USP42: variants seen among roughly 807,000 people sequenced by gnomAD.
USP42 encodes the protein ubiquitin carboxyl-terminal hydrolase 42.
Under a neutral mutation model 113.0 loss-of-function variants are expected in USP42, and 23 were observed. That is an observed-to-expected ratio of 0.20 (90% CI 0.15 to 0.29). The LOEUF (loss-of-function observed/expected upper bound fraction) is 0.29. USP42 is among the 10% of genes least tolerant of loss of function. The probability of loss-of-function intolerance (pLI) is 1.00; values close to 1 mark genes in which losing one functional copy is unlikely to be tolerated. For missense variants in USP42, 2,174 were observed against 1,779.8 expected (o/e 1.22, Z -3.99); for synonymous variants, 933 against 699.0 (o/e 1.33, Z -5.28).
In USP42 at chr7:6,159,427, C is replaced by T. The variant is rs1243120560; in HGVS notation, c.3944-23C>T. 2 of 1,613,970 alleles carry T rather than the reference C, an allele frequency of 1.2e-6. No homozygotes were observed. Among genetic ancestry groups the T allele is most frequent in the East Asian group, 2.2e-5 (1 of 44,884 alleles). On this transcript the variant is annotated intron_variant, in intron 16 of 17. Coordinates refer to ENST00000306177, the MANE Select transcript of USP42 (RefSeq NM_032172.3). This position sits in a 1 kb window ranked among gnomAD's most constrained non-coding sequence, Gnocchi z 4.1. ...GATTTTGCAACCATCATTAAAATCT[C>T]TTTCCTGACCTTTGCTTTCTAGGTG...
At chr7:6,091,680 T>TACACACACACACACAC in the USP42 span, among the ~76,000 whole-genome samples, 10,158 of 135,866 alleles carry the variant, frequency 0.075, 502 homozygotes, top group Non-Finnish European at 0.1. Context: ...TATGTTAGCA[T>TACACACACACACACAC]ACACACACAC....
intron 7 of USP42, 138 bp downstream of exon 7, chr7:6,141,122 A>C (rs1407697655): frequency 1.7e-5 from 8 of 464,734 alleles, no homozygotes; most frequent in Non-Finnish European, 2.7e-5. Context: ...ATTTGGAGGA[A>C]TTATTCAAGC....
At chr7:6,140,291 A>ACC in intron 6 of USP42, 96 bp downstream of exon 6, 1 of 1,133,372 alleles carries the variant, frequency 8.8e-7, no homozygotes, top group Non-Finnish European at 1.3e-6. Context: ...AAGGAAGGAA[A>ACC]AGTGCTTCTC....
At chr7:6,108,209 C>A (rs900043549) in intron 1 of USP42, among the ~76,000 whole-genome samples, 2 of 151,892 alleles carry the variant, frequency 1.3e-5, no homozygotes, top group African/African-American at 4.8e-5. Flanking sequence ...AACAAACAAA[C>A]AAAAAAATTA....
chr7:6,103,712 G>A (rs1235686585), upstream of USP42, among the ~76,000 whole-genome samples: 3 of 122,626 alleles, frequency 2.4e-5, no homozygotes, highest in Non-Finnish European at 3.1e-5. Context: ...ACCAGCCTGG[G>A]CAACATAGCG....
In USP42 at chr7:6,111,148, C is replaced by G. The variant is rs1418625425; in HGVS notation, c.15C>G (p.Asp5Glu). MTIV[D>E]KASESSDPSA... ...AGAGTTGAACAATGACCATAGTTGA[C>G]AAAGCTTCTGAATCTTCAGACCCAT... The change falls in exon 2 of 18, where the codon GAC (aspartate) becomes GAG (glutamate). Residue 5 changes from aspartate to glutamate, a missense_variant. By Grantham distance (45) the Asp-to-Glu change is conservative. Transcript: ENST00000306177. The G allele has an allele frequency of 1.9e-6, 3 of 1,612,222 alleles. No homozygotes were observed. The highest frequency in any genetic ancestry group is 2.5e-6 in the Non-Finnish European group (3 of 1,178,682).
chr7:6,150,241 A>G lies in USP42; in HGVS notation c.2045A>G (p.Gln682Arg), dbSNP rs369332625. The G allele has an allele frequency of 5.6e-6, 9 of 1,613,742 alleles. No homozygotes were observed. In the African/African-American group the frequency reaches 1.2e-4, roughly 22 times the overall value. The change falls in exon 13 of 18, where the codon CAA (glutamine) becomes CGA (arginine). Residue 682 changes from glutamine (Q) to arginine (R), a missense_variant. By Grantham distance (43) the Gln-to-Arg change is conservative (BLOSUM62 1). Coordinates refer to ENST00000306177, the MANE Select transcript of USP42 (RefSeq NM_032172.3). ...CTAGCGCCTGATGGTGCCAGCTGCC[A>G]AGGCCAGCCTGCCCTGCACTCAGAA... ...NGLAPDGASC[Q>R]GQPALHSENP...
chr7:6,159,513 G>A lies in USP42; in HGVS notation c.*36+20G>A. 6.2e-7 allele frequency: 1 copy of A among 1,610,522 alleles called. No individual in the cohort carries two copies. Among genetic ancestry groups the A allele is most frequent in the Non-Finnish European group, 8.5e-7 (1 of 1,176,956 alleles). The stretch of plus-strand genomic sequence containing the variant: ...GTTATGGTAAGCTGTTTTCCTGTCT[G>A]TTTCCTCATTGTTTGTGGTGGCGCT... On this transcript the variant is annotated intron_variant, in intron 17 of 17. Coordinates refer to ENST00000306177, the MANE Select transcript of USP42 (RefSeq NM_032172.3). This position sits in a 1 kb window ranked among gnomAD's most constrained non-coding sequence, Gnocchi z 4.1.
At chr7:6,117,646 T>C (rs550693175) in intron 3 of USP42, among the ~76,000 whole-genome samples, 1 of 152,338 alleles carries the variant, frequency 6.6e-6, no homozygotes, top group East Asian at 1.9e-4. Flanking sequence ...TTGCAGTGTT[T>C]TATAGTCCCA....
the USP42 span, chr7:6,081,702 T>A: frequency 6.6e-6 from 1 of 152,106 alleles, no homozygotes; most frequent in South Asian, 2.1e-4. Context: ...GGAGGTCGGG[T>A]GAGAGGGTGA....
chr7:6,083,988 G>A, the USP42 span, among the ~76,000 whole-genome samples: 13 of 150,300 alleles, frequency 8.6e-5, no homozygotes, highest in African/African-American at 3.0e-4. Flanking sequence ...TGTGTAGGTC[G>A]TCCGTGAGTT....
the USP42 span, chr7:6,081,660 T>C: frequency 6.6e-6 from 1 of 152,188 alleles, no homozygotes; most frequent in Non-Finnish European, 1.5e-5. Flanking sequence ...GCGCATGCTC[T>C]CTGGTGGGCT....
At chr7:6,089,038 T>C in the USP42 span, 1 of 150,242 alleles carries the variant, frequency 6.7e-6, no homozygotes, top group Non-Finnish European at 1.5e-5. Context: ...TATTTATTTA[T>C]TTATTTATTT....
intron 3 of USP42, among the ~76,000 whole-genome samples, chr7:6,131,001 C>T (rs1780820433): frequency 6.6e-6 from 1 of 152,100 alleles, no homozygotes; most frequent in South Asian, 2.1e-4. Context: ...AGTTGCCTGG[C>T]ACCTGGCCCT....
intron 3 of USP42, among the ~76,000 whole-genome samples, chr7:6,127,830 G>A (rs891183716): frequency 1.1e-4 from 17 of 152,176 alleles, no homozygotes; most frequent in African/African-American, 3.6e-4. Context: ...CACTAAACTT[G>A]TGTCTTAATT....
In USP42 at chr7:6,158,780, A is replaced by G. The variant is rs1466764644; in HGVS notation, c.3944-670A>G. 6.6e-6 allele frequency among the ~76,000 whole-genome samples: 1 copy of G among 152,182 alleles called. No individual in the cohort carries two copies. Among genetic ancestry groups the G allele is most frequent in the Non-Finnish European group, 1.5e-5 (1 of 68,034 alleles). ...TTGGTACCCGAGGATCCGAGGATGCAGTGGATGGGCTCATTCTGAGTGTGG... is the reference window on the plus strand; with the variant it reads ...TTGGTACCCGAGGATCCGAGGATGCGGTGGATGGGCTCATTCTGAGTGTGG... On this transcript the variant is annotated intron_variant, in intron 16 of 17. Coordinates refer to ENST00000306177, the MANE Select transcript of USP42 (RefSeq NM_032172.3). This position sits in a 1 kb window ranked among gnomAD's most constrained non-coding sequence, Gnocchi z 4.2.
chr7:6,115,185 C>G (rs1397931471), intron 2 of USP42, 138 bp from the exon 3 acceptor site: 4 of 789,554 alleles, frequency 5.1e-6, no homozygotes, highest in African/African-American at 3.5e-5. Context: ...TAAAATGTCC[C>G]TCTTCCCCCT....
At chr7:6,137,977 C>A (rs564565799) in intron 4 of USP42, among the ~76,000 whole-genome samples, 1 of 152,330 alleles carries the variant, frequency 6.6e-6, no homozygotes, top group African/African-American at 2.4e-5. Flanking sequence ...CCACGCCCGA[C>A]CACATATATT....
At chr7:6,152,036 A>C (rs545263948) in intron 14 of USP42, among the ~76,000 whole-genome samples, 2 of 152,360 alleles carry the variant, frequency 1.3e-5, no homozygotes, top group South Asian at 4.1e-4. Context: ...ACAATTTAAA[A>C]AAAAAATCAT....
Sources: gnomAD v4.1 joint callset for allele counts (sites outside exome capture counted in the v4.1 genomes callset) on GRCh38, gnomAD v4.1.1 for gene constraint, Gnocchi (gnomAD v3.1) non-coding constraint, MANE v1.5 for transcripts, NCBI Gene and HGNC (gene_info 2026-07-23, HGNC 2026-07-21) for gene names.